Variants in C8orf34 observed in about 807,000 individuals in gnomAD.
C8orf34 encodes chromosome 8 open reading frame 34.
In C8orf34, 65 loss-of-function variants were observed where a neutral mutation model predicts 68.3. That is an observed-to-expected ratio of 0.95 (90% CI 0.78 to 1.17). C8orf34 has a LOEUF of 1.17. Among genes scored for constraint, C8orf34 ranks in the 50% most tolerant of loss-of-function variants. The pLI is 0.00. For missense variants in C8orf34, 664 were observed against 655.4 expected (o/e 1.01, Z -0.14); for synonymous variants, 244 against 241.2 (o/e 1.01, Z -0.11).
At chr8:68,618,621 G>A (rs1432555419) in intron 7 of C8orf34, among the ~76,000 whole-genome samples, 2 of 152,098 alleles carry the variant, frequency 1.3e-5, no homozygotes, top group African/African-American at 2.4e-5. Flanking sequence ...TCCTGCCTCA[G>A]CTTCCCAAAG....
chr8:68,684,262 C>T (rs1271541136), intron 8 of C8orf34, among the ~76,000 whole-genome samples: 1 of 152,044 alleles, frequency 6.6e-6, no homozygotes, highest in African/African-American at 2.4e-5. Flanking sequence ...TGCTTCAAGA[C>T]AAACATGAAG....
chr8:68,547,924 A>G (rs1815939545), intron 7 of C8orf34, among the ~76,000 whole-genome samples: 1 of 151,828 alleles, frequency 6.6e-6, no homozygotes, highest in Non-Finnish European at 1.5e-5. Context: ...GTTTTTAACA[A>G]AGCCACCAAG....
intron 4 of C8orf34, among the ~76,000 whole-genome samples, chr8:68,469,932 T>TGTG (rs1812310655): frequency 6.7e-6 from 1 of 148,986 alleles, no homozygotes; most frequent in African/African-American, 2.5e-5. Context: ...ATTTGGTATT[T>TGTG]TGTGTGTGTG....
chr8:68,663,055 T>C (rs977863222), intron 8 of C8orf34, among the ~76,000 whole-genome samples: 2 of 152,252 alleles, frequency 1.3e-5, no homozygotes, highest in Admixed American at 1.3e-4. Flanking sequence ...TGAGGGTCTC[T>C]CTCTTTTTCT....
At chr8:68,572,384 T>C (rs973015431) in intron 7 of C8orf34, among the ~76,000 whole-genome samples, 8 of 152,008 alleles carry the variant, frequency 5.3e-5, no homozygotes, top group East Asian at 1.9e-4. Flanking sequence ...ATACTACCTA[T>C]GCATATTACA....
At chr8:68,556,184 T>C (rs948520776) in intron 7 of C8orf34, among the ~76,000 whole-genome samples, 1 of 151,870 alleles carries the variant, frequency 6.6e-6, no homozygotes, top group Non-Finnish European at 1.5e-5. Context: ...GTATATAAAT[T>C]TCATTAGCTA....
intron 5 of C8orf34, among the ~76,000 whole-genome samples, chr8:68,499,260 G>C (rs996837111): frequency 6.6e-6 from 1 of 152,104 alleles, no homozygotes; most frequent in African/African-American, 2.4e-5. Flanking sequence ...ACAAGATTTT[G>C]TTCTTTTATA....
At chr8:68,634,752 T>C (rs900160109) in intron 7 of C8orf34, among the ~76,000 whole-genome samples, 2 of 152,138 alleles carry the variant, frequency 1.3e-5, no homozygotes, top group Non-Finnish European at 2.9e-5. Flanking sequence ...TATTCAGTAG[T>C]TATTAGGAGC....
At chr8:68,657,003 A>C (rs1819527831) in intron 8 of C8orf34, among the ~76,000 whole-genome samples, 2 of 152,108 alleles carry the variant, frequency 1.3e-5, no homozygotes, top group Admixed American at 6.6e-5. Context: ...TTTTGTCCTG[A>C]TGTATTTTTA....
At chr8:68,384,853 T>C (rs1449199476) in intron 1 of C8orf34, among the ~76,000 whole-genome samples, 6 of 152,182 alleles carry the variant, frequency 3.9e-5, no homozygotes, top group Non-Finnish European at 8.8e-5. Context: ...TGGGAGCAGA[T>C]GGTGAAATTT....
intron 12 of C8orf34, chr8:68,790,726 G>A: frequency 1.9e-6 from 1 of 537,142 alleles, no homozygotes; most frequent in Non-Finnish European, 3.3e-6. Flanking sequence ...CTCAGATTAT[G>A]GTCTGAAGTC....
intron 8 of C8orf34, among the ~76,000 whole-genome samples, chr8:68,668,828 C>G (rs556796883): frequency 3.3e-5 from 5 of 152,080 alleles, no homozygotes; most frequent in Non-Finnish European, 7.4e-5. Context: ...AAGGAGGCAG[C>G]CTCTGTGACC....
chr8:68,396,328 C>A (rs1216181519), intron 1 of C8orf34, among the ~76,000 whole-genome samples: 1 of 151,944 alleles, frequency 6.6e-6, no homozygotes, highest in Non-Finnish European at 1.5e-5. Flanking sequence ...TATTAATGAT[C>A]ATTATAATTA....
At chr8:68,651,103 A>AT (rs1819344993) in intron 8 of C8orf34, among the ~76,000 whole-genome samples, 1 of 152,138 alleles carries the variant, frequency 6.6e-6, no homozygotes, top group Admixed American at 6.5e-5. Flanking sequence ...TATCACCTTG[A>AT]TTATCGAGAG....
intron 10 of C8orf34, among the ~76,000 whole-genome samples, chr8:68,744,604 C>A (rs1304457670): frequency 6.6e-6 from 1 of 151,756 alleles, no homozygotes; most frequent in East Asian, 1.9e-4. Flanking sequence ...CCTCAGGAGC[C>A]GATGCGATCA....
chr8:68,785,734 A>G (rs1410992593), intron 11 of C8orf34, among the ~76,000 whole-genome samples: 1 of 152,104 alleles, frequency 6.6e-6, no homozygotes, highest in East Asian at 1.9e-4. Context: ...ATAAAATTCT[A>G]TGGATTTTGA....
intron 12 of C8orf34, among the ~76,000 whole-genome samples, chr8:68,788,490 C>T (rs534143199): frequency 3.9e-5 from 6 of 152,252 alleles, no homozygotes; most frequent in African/African-American, 1.4e-4. Context: ...TCAGCTGTCA[C>T]ATTCAGGAAT....
chr8:68,710,298 TC>T (rs2130965976), intron 9 of C8orf34, among the ~76,000 whole-genome samples: 1 of 152,116 alleles, frequency 6.6e-6, no homozygotes, highest in South Asian at 2.1e-4. Context: ...AATTTGTGAG[TC>T]TTTTTGCTTT....
chr8:68,778,319 A>G (rs1563664435), intron 11 of C8orf34, among the ~76,000 whole-genome samples: 2 of 152,130 alleles, frequency 1.3e-5, no homozygotes, highest in African/African-American at 2.4e-5. Context: ...ACTAGCAAAC[A>G]TTTGCTTTTA....
Sources: gnomAD v4.1 joint callset for allele counts (sites outside exome capture counted in the v4.1 genomes callset) on GRCh38, gnomAD v4.1.1 for gene constraint, MANE v1.5 for transcripts, NCBI Gene and HGNC (gene_info 2026-07-23, HGNC 2026-07-21) for gene names.